GNA14: variants seen among roughly 807,000 people sequenced by gnomAD.
GNA14 encodes guanine nucleotide-binding protein subunit alpha-14.
GNA14 carries 50 observed loss-of-function variants against 42.0 expected under a neutral mutation model. That is an observed-to-expected ratio of 1.19 (90% CI 0.95 to 1.51). The LOEUF (loss-of-function observed/expected upper bound fraction) is 1.51, where lower values mean the gene tolerates loss of function less well. Among genes scored for constraint, GNA14 ranks in the 40% most tolerant of loss-of-function variants. GNA14 has a pLI of 0.00. For synonymous variants in GNA14, 173 were observed against 163.1 expected (o/e 1.06, Z -0.46); for missense variants, 473 against 446.2 (o/e 1.06, Z -0.54).
intron 2 of GNA14, among the ~76,000 whole-genome samples, chr9:77,476,528 GA>G (rs1471334659): frequency 6.6e-6 from 1 of 152,168 alleles, no homozygotes; most frequent in Non-Finnish European, 1.5e-5. Flanking sequence ...CTGTATAATT[GA>G]AGATTATCTG....
In GNA14 at chr9:77,635,959, G is replaced by C. The variant is rs140698761; in HGVS notation, c.124+11711C>G. 1.1e-3 allele frequency among the ~76,000 whole-genome samples: 162 copies of C among 152,264 alleles called. 1 individual carries two copies. Among genetic ancestry groups the C allele is most frequent in the African/African-American group, 3.8e-3 (158 of 41,562 alleles). ...TTTCCATCAGTTGTATTTCATAAAT[G>C]TATCAGTCTTCAATAAAAATACTCT... is the stretch of plus-strand genomic sequence containing the variant. On this transcript the variant is annotated intron_variant, in intron 1 of 6. Transcript: ENST00000341700.
At chr9:77,594,824 G>T (rs556534436) in intron 1 of GNA14, among the ~76,000 whole-genome samples, 1 of 152,296 alleles carries the variant, frequency 6.6e-6, no homozygotes, top group East Asian at 1.9e-4. Flanking sequence ...TTCTCCGTGT[G>T]CATGGGAGAG....
chr9:77,584,748 G>A (rs1411072717), intron 1 of GNA14, among the ~76,000 whole-genome samples: 1 of 152,226 alleles, frequency 6.6e-6, no homozygotes, highest in African/African-American at 2.4e-5. Context: ...CTACTCCATA[G>A]ACAGAGCAGA....
intron 2 of GNA14, among the ~76,000 whole-genome samples, chr9:77,456,012 T>C (rs576044352): frequency 6.6e-6 from 1 of 152,278 alleles, no homozygotes; most frequent in South Asian, 2.1e-4. Flanking sequence ...TATAAGGAAA[T>C]AGGGTATACA....
intron 2 of GNA14, among the ~76,000 whole-genome samples, chr9:77,481,479 A>T (rs998247850): frequency 6.6e-5 from 10 of 152,134 alleles, no homozygotes. Flanking sequence ...CTCTGTGGTC[A>T]ATTTTGGAAT....
At chr9:77,623,792 G>A (rs550657481) in intron 1 of GNA14, among the ~76,000 whole-genome samples, 2 of 152,236 alleles carry the variant, frequency 1.3e-5, no homozygotes, top group South Asian at 2.1e-4. Context: ...AGATTCCCTC[G>A]GGTGCCTACA....
intron 1 of GNA14, among the ~76,000 whole-genome samples, chr9:77,591,353 A>G (rs1481397573): frequency 6.6e-6 from 1 of 152,204 alleles, no homozygotes; most frequent in East Asian, 1.9e-4. Flanking sequence ...GTGTGAAGTT[A>G]CAGGAAGATA....
intron 1 of GNA14, among the ~76,000 whole-genome samples, chr9:77,564,471 C>A (rs1457068682): frequency 1.3e-5 from 2 of 152,034 alleles, no homozygotes; most frequent in Admixed American, 1.3e-4. Context: ...ACCTAATGAG[C>A]TCACTTTTTA....
intron 2 of GNA14, among the ~76,000 whole-genome samples, chr9:77,490,049 G>A (rs111552177): frequency 6.5e-4 from 99 of 152,124 alleles, no homozygotes; most frequent in African/African-American, 2.4e-3. Flanking sequence ...GGTTCTCCAC[G>A]TCCCCACCAG....
chr9:77,544,678 A>AG (rs1368212850), intron 1 of GNA14, among the ~76,000 whole-genome samples: 1 of 151,694 alleles, frequency 6.6e-6, no homozygotes, highest in African/African-American at 2.4e-5. Context: ...TCTCAAAAAA[A>AG]AAAAAAAAAA....
chr9:77,628,206 A>AG, intron 1 of GNA14, among the ~76,000 whole-genome samples: 1 of 152,150 alleles, frequency 6.6e-6, no homozygotes, highest in East Asian at 1.9e-4. Context: ...GACCTCTTCA[A>AG]GAGAACTACA....
chr9:77,501,299 G>A (rs1836965984), intron 2 of GNA14, among the ~76,000 whole-genome samples: 1 of 152,140 alleles, frequency 6.6e-6, no homozygotes, highest in Non-Finnish European at 1.5e-5. Flanking sequence ...CAGAGTGGCT[G>A]TACCATTTTA....
intron 2 of GNA14, among the ~76,000 whole-genome samples, chr9:77,493,696 T>A (rs1836824954): frequency 6.6e-6 from 1 of 152,180 alleles, no homozygotes; most frequent in African/African-American, 2.4e-5. Context: ...CAATGTTCTC[T>A]TTTTTTAACT....
At chr9:77,599,006 A>G (rs1823510652) in intron 1 of GNA14, among the ~76,000 whole-genome samples, 1 of 152,262 alleles carries the variant, frequency 6.6e-6, no homozygotes, top group Non-Finnish European at 1.5e-5. Context: ...GTTACAGGAC[A>G]TCAGGGGAGA....
At chr9:77,536,381 C>T (rs552086716) in intron 1 of GNA14, among the ~76,000 whole-genome samples, 82 of 152,254 alleles carry the variant, frequency 5.4e-4, no homozygotes, top group African/African-American at 1.9e-3. Flanking sequence ...ACAAGAGTCT[C>T]GCTCTGTCGC....
At chr9:77,634,769 T>C (rs935984442) in intron 1 of GNA14, among the ~76,000 whole-genome samples, 2 of 152,186 alleles carry the variant, frequency 1.3e-5, no homozygotes, top group African/African-American at 4.8e-5. Flanking sequence ...TTTATACTAC[T>C]CAGCTGGTAT....
intron 1 of GNA14, among the ~76,000 whole-genome samples, chr9:77,618,523 T>C (rs1388871825): frequency 7.0e-6 from 1 of 143,104 alleles, no homozygotes; most frequent in Non-Finnish European, 1.5e-5. Flanking sequence ...AGTGAATGAA[T>C]ATAAGGTATC....
At chr9:77,531,855 A>C (rs1285004445) in intron 1 of GNA14, among the ~76,000 whole-genome samples, 2 of 152,158 alleles carry the variant, frequency 1.3e-5, no homozygotes, top group Non-Finnish European at 2.9e-5. Context: ...TATTTCAAAA[A>C]GAAAACGTTA....
chr9:77,486,821 G>A (rs1011476600), intron 2 of GNA14, among the ~76,000 whole-genome samples: 3 of 152,024 alleles, frequency 2.0e-5, no homozygotes, highest in Admixed American at 6.6e-5. Context: ...TGTTTGTGGT[G>A]CCCCCAAATA....
Sources: gnomAD v4.1 joint callset for allele counts (sites outside exome capture counted in the v4.1 genomes callset) on GRCh38, gnomAD v4.1.1 for gene constraint, MANE v1.5 for transcripts, NCBI Gene and HGNC (gene_info 2026-07-23, HGNC 2026-07-21) for gene names.